Variants in SMYD3 observed in about 807,000 individuals in gnomAD.
The protein encoded by SMYD3 is histone-lysine N-methyltransferase SMYD3.
In SMYD3, 36 loss-of-function variants were observed where a neutral mutation model predicts 57.7. The ratio of observed to expected loss-of-function variants is 0.62; its 90% confidence interval spans 0.48 to 0.82. The LOEUF (loss-of-function observed/expected upper bound fraction) is 0.82, where lower values mean the gene tolerates loss of function less well. Among genes scored for constraint, SMYD3 ranks in the 40% least tolerant of loss-of-function variants. The probability of loss-of-function intolerance (pLI) is 0.00; values close to 1 mark genes in which losing one functional copy is unlikely to be tolerated. For synonymous variants in SMYD3, 211 were observed against 195.0 expected, an observed-to-expected ratio of 1.08 and a Z score of -0.68; for missense variants, 515 against 538.8, an observed-to-expected ratio of 0.96 and a Z score of 0.44.
intron 5 of SMYD3, among the ~76,000 whole-genome samples, chr1:246,233,492 T>C (rs190324545): frequency 7.5e-5 from 9 of 119,264 alleles, no homozygotes; most frequent in Admixed American, 2.4e-4. Flanking sequence ...GAAGCACTCC[T>C]CAATTCACAC....
At chr1:246,413,348 T>C (rs1172190582) in intron 1 of SMYD3, among the ~76,000 whole-genome samples, 1 of 152,132 alleles carries the variant, frequency 6.6e-6, no homozygotes, top group African/African-American at 2.4e-5. Context: ...TAGGCGGCAC[T>C]CTCGGATAGA....
chr1:245,866,151 T>C (rs1048549362), intron 8 of SMYD3, among the ~76,000 whole-genome samples: 3 of 152,080 alleles, frequency 2.0e-5, no homozygotes, highest in Non-Finnish European at 4.4e-5. Context: ...CACTCAAGTG[T>C]GCCAGGGCAG....
At chr1:246,230,392 A>C (rs1379942203) in intron 5 of SMYD3, among the ~76,000 whole-genome samples, 1 of 152,256 alleles carries the variant, frequency 6.6e-6, no homozygotes, top group Admixed American at 6.5e-5. Context: ...AGCGAAAATA[A>C]ATTTTAAAAG....
At chr1:246,164,612 C>A (rs2062175155) in intron 5 of SMYD3, among the ~76,000 whole-genome samples, 1 of 152,214 alleles carries the variant, frequency 6.6e-6, no homozygotes, top group Admixed American at 6.5e-5. Flanking sequence ...GAAGCCAGGC[C>A]CAAAGAGAAA....
intron 5 of SMYD3, among the ~76,000 whole-genome samples, chr1:246,104,171 A>C (rs557233361): frequency 6.6e-6 from 1 of 152,336 alleles, no homozygotes; most frequent in Admixed American, 6.5e-5. Flanking sequence ...AAGTCTTACC[A>C]CTGAATTTTC....
At chr1:246,342,320 T>C (rs962989992) in intron 2 of SMYD3, among the ~76,000 whole-genome samples, 2 of 152,090 alleles carry the variant, frequency 1.3e-5, no homozygotes, top group African/African-American at 4.8e-5. Context: ...GGGCAAAACT[T>C]AGGATAGTTG....
intron 5 of SMYD3, among the ~76,000 whole-genome samples, chr1:245,938,213 A>G (rs1228879639): frequency 6.6e-6 from 1 of 152,204 alleles, no homozygotes; most frequent in Non-Finnish European, 1.5e-5. Context: ...GGTATTTCAC[A>G]TGACAGTAGC....
rs573717492 is a variant in SMYD3, at chr1:245,763,654, C to T, written c.1185+387G>A. On this transcript the variant is annotated intron_variant, in intron 11 of 11. Coordinates refer to ENST00000490107, the MANE Select transcript of SMYD3 (RefSeq NM_001167740.2). ...CACACAGATGGTCAAGGGCTTGCCA[C>T]GCGAGGGACACGGACTGTGTTCCGT... 4.3e-4 allele frequency among the ~76,000 whole-genome samples: 65 copies of T among 152,162 alleles called. 1 individual carries two copies. The South Asian group carries it at 0.013, about 30-fold the overall frequency.
intron 2 of SMYD3, among the ~76,000 whole-genome samples, chr1:246,346,165 T>C (rs1238804077): frequency 1.3e-5 from 2 of 152,064 alleles, no homozygotes; most frequent in Non-Finnish European, 2.9e-5. Context: ...GCACCTGTAG[T>C]CCCAGCTCCT....
intron 10 of SMYD3, 125 bp downstream of exon 10, chr1:245,858,371 A>G: frequency 1.0e-6 from 1 of 966,774 alleles, no homozygotes; most frequent in Admixed American, 3.2e-5. Context: ...GGTTTTAAAC[A>G]ATGGTTGAGA....
chr1:245,995,080 A>G (rs1250370157), intron 5 of SMYD3, among the ~76,000 whole-genome samples: 3 of 152,208 alleles, frequency 2.0e-5, no homozygotes, highest in Non-Finnish European at 4.4e-5. Flanking sequence ...TGACAGAGCA[A>G]GACTCCGTCT....
chr1:245,867,741 T>C (rs577901742), intron 8 of SMYD3, among the ~76,000 whole-genome samples: 8 of 152,218 alleles, frequency 5.3e-5, no homozygotes, highest in Admixed American at 1.3e-4. Context: ...TGGGGAATAC[T>C]GGCACCAGGG....
chr1:246,060,363 T>G (rs1462555340), intron 5 of SMYD3, among the ~76,000 whole-genome samples: 1 of 152,106 alleles, frequency 6.6e-6, no homozygotes, highest in Non-Finnish European at 1.5e-5. Flanking sequence ...AAATATTTCA[T>G]TTTAAACAGC....
chr1:246,198,307 T>G (rs762624497), intron 5 of SMYD3, among the ~76,000 whole-genome samples: 2 of 152,236 alleles, frequency 1.3e-5, no homozygotes, highest in Admixed American at 6.5e-5. Context: ...TAACCAGCAA[T>G]GTGAATAATG....
At chr1:245,850,227 G>T (rs373074449) in intron 10 of SMYD3, among the ~76,000 whole-genome samples, 1 of 152,098 alleles carries the variant, frequency 6.6e-6, no homozygotes, top group Non-Finnish European at 1.5e-5. Flanking sequence ...CACGGTCCTG[G>T]GGCTCTCAGA....
chr1:246,373,249 A>AT (rs1332148998), intron 1 of SMYD3, among the ~76,000 whole-genome samples: 2 of 152,192 alleles, frequency 1.3e-5, no homozygotes, highest in Non-Finnish European at 2.9e-5. Context: ...TCAAATAAAC[A>AT]TAAACATTAA....
intron 5 of SMYD3, among the ~76,000 whole-genome samples, chr1:246,065,351 T>C (rs12120959): frequency 0.2 from 30,332 of 152,168 alleles, 3,479 homozygotes; most frequent in East Asian, 0.39. Context: ...ATCCAGTCAA[T>C]GTGCTGCTGA....
In SMYD3 at chr1:246,498,599, C is replaced by T. The variant is rs765689310; in HGVS notation, c.164+8455G>A. Reference sequence around the variant, plus strand: ...ACAAAAAATTAGCCAGGCGTGATGGCGGGTGCCTGTAGTCCCAGCTACTCG... The same window carrying T: ...ACAAAAAATTAGCCAGGCGTGATGGTGGGTGCCTGTAGTCCCAGCTACTCG... On this transcript the variant is annotated intron_variant, in intron 1 of 11. Coordinates refer to ENST00000490107, the MANE Select transcript of SMYD3 (RefSeq NM_001167740.2). Among the ~76,000 whole-genome samples, 53 of 151,862 alleles carry T rather than the reference C, an allele frequency of 3.5e-4. 1 individual carries two copies. Among genetic ancestry groups the T allele is most frequent in the African/African-American group, 5.3e-4 (22 of 41,384 alleles).
intron 10 of SMYD3, among the ~76,000 whole-genome samples, chr1:245,849,784 C>G (rs1159261843): frequency 6.6e-6 from 1 of 152,132 alleles, no homozygotes; most frequent in Non-Finnish European, 1.5e-5. Flanking sequence ...TCCCTGGTGG[C>G]TGGGACTACA....
Sources: gnomAD v4.1 joint callset for allele counts (sites outside exome capture counted in the v4.1 genomes callset) on GRCh38, gnomAD v4.1.1 for gene constraint, MANE v1.5 for transcripts, NCBI Gene and HGNC (gene_info 2026-07-23, HGNC 2026-07-21) for gene names.